The following MTFMT variants were observed in gnomAD, a reference collection of about 807,000 sequenced individuals.
MTFMT encodes the protein mitochondrial methionyl-tRNA formyltransferase.
Under a neutral mutation model 51.8 loss-of-function variants are expected in MTFMT, and 47 were observed. That is an observed-to-expected ratio of 0.91 (90% confidence interval 0.72 to 1.16). MTFMT has a LOEUF of 1.16. Among genes scored for constraint, MTFMT ranks in the 50% most tolerant of loss-of-function variants. The pLI, the probability that MTFMT is intolerant of heterozygous loss-of-function variation, is 0.00. For synonymous variants in MTFMT, 196 were observed against 176.7 expected (o/e 1.11, Z -0.87); for missense variants, 512 against 482.3 (o/e 1.06, Z -0.58).
chr15:65,017,566 G>A (rs1427670150), intron 5 of MTFMT, among the ~76,000 whole-genome samples: 1 of 152,218 alleles, frequency 6.6e-6, no homozygotes, highest in African/African-American at 2.4e-5. Flanking sequence ...GGGAGGCCAA[G>A]GCAGGAGGAC....
intron 6 of MTFMT, 80 bp downstream of exon 6, chr15:65,016,356 C>T (rs2140481546): frequency 1.3e-6 from 1 of 790,288 alleles, no homozygotes; most frequent in African/African-American, 1.7e-5. Context: ...GGGATTATTC[C>T]TAAATAAAAA....
intron 6 of MTFMT, among the ~76,000 whole-genome samples, chr15:65,011,485 CTTTTTTTTTTTTT>C (rs536213292): frequency 8.5e-4 from 63 of 74,102 alleles, no homozygotes; most frequent in African/African-American, 2.0e-3. Context: ...TGTAAGCTGT[CTTTTTTTTTTTTT>C]TTTTTTTTTT....
chr15:65,027,547 A>T (rs779998216), intron 1 of MTFMT, among the ~76,000 whole-genome samples: 14 of 152,170 alleles, frequency 9.2e-5, no homozygotes, highest in South Asian at 2.1e-4. Flanking sequence ...GTAAAGAGTG[A>T]CACGTGGCTA....
At chr15:65,005,328 A>G (rs1676586908) in intron 7 of MTFMT, among the ~76,000 whole-genome samples, 2 of 152,166 alleles carry the variant, frequency 1.3e-5, no homozygotes, top group African/African-American at 4.8e-5. Context: ...GGGAACTCCA[A>G]CTACCTCTAA....
At chr15:65,028,217 T>C (rs1461450031) in intron 1 of MTFMT, among the ~76,000 whole-genome samples, 1 of 152,084 alleles carries the variant, frequency 6.6e-6, no homozygotes. Context: ...CCCAGGAGTT[T>C]GAGATAAGCC....
chr15:65,005,156 A>G lies in MTFMT; in HGVS notation c.893-220T>C, dbSNP rs74559655. 6.8e-3 allele frequency among the ~76,000 whole-genome samples: 1,042 copies of G among 152,348 alleles called. 14 individuals are homozygous for G. Among genetic ancestry groups the G allele is most frequent in the African/African-American group, 0.022 (928 of 41,590 alleles). ...AAGCTTCCCATGCACATACAAAGCTATAATTCCTTTACCCAGTGACCACCT... is the reference window on the plus strand; with the variant it reads ...AAGCTTCCCATGCACATACAAAGCTGTAATTCCTTTACCCAGTGACCACCT... On this transcript the variant is annotated intron_variant, in intron 7 of 8. Coordinates refer to ENST00000220058, the MANE Select transcript of MTFMT (RefSeq NM_139242.4).
intron 6 of MTFMT, among the ~76,000 whole-genome samples, chr15:65,007,518 G>A (rs1397918817): frequency 6.6e-6 from 1 of 152,110 alleles, no homozygotes; most frequent in Non-Finnish European, 1.5e-5. Flanking sequence ...ATAAACTAGG[G>A]TAATAACCTT....
At chr15:65,023,843 C>G (rs554172776) in intron 2 of MTFMT, 49 bp from the exon 3 acceptor site, 1 of 1,513,368 alleles carries the variant, frequency 6.6e-7, no homozygotes, top group East Asian at 2.4e-5. Context: ...TTTACCACTT[C>G]GTTACCACTA....
Position 65,021,496 on chromosome 15 carries a change from G to C in MTFMT, c.645+18C>G, listed in dbSNP as rs781303216. 6.4e-7 allele frequency: 1 copy of C among 1,564,716 alleles called. No individual in the cohort carries two copies. The highest frequency in any genetic ancestry group is 8.8e-7 in the Non-Finnish European group (1 of 1,136,204). ...CCACTAAATGAGTAAAAAGCAGTAG[G>C]ATATTGGGGAATTATACCATGTTGG... On this transcript the variant is annotated intron_variant, in intron 4 of 8. Transcript: ENST00000220058.
intron 3 of MTFMT, among the ~76,000 whole-genome samples, chr15:65,022,270 G>A (rs975127506): frequency 3.0e-4 from 45 of 152,062 alleles, no homozygotes; most frequent in Admixed American, 2.9e-3. Context: ...TGGCCAACAT[G>A]GTGAAACCCT....
In MTFMT at chr15:65,006,104, A is replaced by G. The variant is rs770019763; in HGVS notation, c.892+9T>C. 1.9e-6 allele frequency: 3 copies of G among 1,607,438 alleles called. No homozygotes were observed. Among genetic ancestry groups the G allele is most frequent in the Non-Finnish European group, 2.6e-6 (3 of 1,174,780 alleles). On this transcript the variant is annotated intron_variant, in intron 7 of 8. Coordinates refer to ENST00000220058, the MANE Select transcript of MTFMT (RefSeq NM_139242.4). ...ACAGCTTCCATGTTAGCTATTCAAAAGTTAGTACCAGCAAGGACTGAACTG... is the reference window on the plus strand; with the variant it reads ...ACAGCTTCCATGTTAGCTATTCAAAGGTTAGTACCAGCAAGGACTGAACTG...
intron 6 of MTFMT, among the ~76,000 whole-genome samples, chr15:65,008,793 A>G (rs1432560577): frequency 6.6e-6 from 1 of 152,184 alleles, no homozygotes; most frequent in Non-Finnish European, 1.5e-5. Flanking sequence ...AACGATTTTC[A>G]TATGTGCAAT....
chr15:65,016,660 CAT>C (rs2086324859), intron 5 of MTFMT, 133 bp from the exon 6 acceptor site: 1 of 425,508 alleles, frequency 2.4e-6, no homozygotes, highest in Non-Finnish European at 4.2e-6. Context: ...CAAAATTTTC[CAT>C]ATATCAAGTA....
At chr15:65,027,558 G>A (rs1453613154) in intron 1 of MTFMT, among the ~76,000 whole-genome samples, 1 of 152,156 alleles carries the variant, frequency 6.6e-6, no homozygotes, top group Non-Finnish European at 1.5e-5. Context: ...CACGTGGCTA[G>A]TGGCTACTGT....
chr15:65,027,661 AT>A (rs1031564078), intron 1 of MTFMT, among the ~76,000 whole-genome samples: 5 of 151,960 alleles, frequency 3.3e-5, no homozygotes, highest in Admixed American at 6.6e-5. Flanking sequence ...ACTGCTTTGC[AT>A]TTTTTTTCCT....
intron 6 of MTFMT, chr15:65,016,234 T>C (rs1005436422): frequency 5.3e-6 from 2 of 376,360 alleles, no homozygotes; most frequent in Non-Finnish European, 9.6e-6. Context: ...GCTTTGTGAA[T>C]TCTAAGGTCT....
rs2086395462 is a variant in MTFMT at position 65,023,718 on chromosome 15, CG to C, written c.495del (p.His165GlnfsTer8). 6.2e-7 allele frequency: 1 copy of C among 1,613,460 alleles called. No homozygotes were observed. The highest frequency in any genetic ancestry group is 2.2e-5 in the East Asian group (1 of 44,880). ...ATTGTTACTCCAGTAACTGTGTCTC[CG>C]TGAAGCACTGTATGGATTACAGGGG... ...GPAPVIHTVL[H>X]GDTVTGVTIM... On this transcript the variant is annotated frameshift_variant, in exon 3 of 9. Transcript: ENST00000220058. LOFTEE classifies it high-confidence loss of function.
intron 6 of MTFMT, among the ~76,000 whole-genome samples, chr15:65,010,955 C>A (rs2086259082): frequency 6.6e-6 from 1 of 152,106 alleles, no homozygotes; most frequent in Non-Finnish European, 1.5e-5. Context: ...ATTTGCATAT[C>A]CCTAAAGACA....
At chr15:65,018,050 G>T (rs182353267) in intron 5 of MTFMT, among the ~76,000 whole-genome samples, 1 of 152,162 alleles carries the variant, frequency 6.6e-6, no homozygotes, top group East Asian at 1.9e-4. Context: ...AGAGATGGAA[G>T]TAGGACTTCT....
Sources: gnomAD v4.1 joint callset for allele counts (sites outside exome capture counted in the v4.1 genomes callset) on GRCh38, gnomAD v4.1.1 for gene constraint, MANE v1.5 for transcripts, NCBI Gene and HGNC (gene_info 2026-07-23, HGNC 2026-07-21) for gene names.